SLC35F3: variants seen among roughly 807,000 people sequenced by gnomAD.
SLC35F3 encodes the protein putative thiamine transporter SLC35F3.
A neutral mutation model predicts 49.9 loss-of-function variants in SLC35F3; 25 were observed. The observed-to-expected ratio is 0.50, with a 90% CI of 0.37 to 0.70. SLC35F3 has a LOEUF of 0.70. SLC35F3 is among the 30% of genes least tolerant of loss of function. SLC35F3 has a pLI of 0.00. For synonymous variants in SLC35F3, 275 were observed against 265.4 expected, an observed-to-expected ratio of 1.04 and a Z score of -0.35; for missense variants, 525 against 639.8, an observed-to-expected ratio of 0.82 and a Z score of 1.94.
At chr1:234,174,990 A>AT (rs1245454654) in intron 2 of SLC35F3, among the ~76,000 whole-genome samples, 1 of 152,224 alleles carries the variant, frequency 6.6e-6, no homozygotes. Context: ...GCGTCTTGTC[A>AT]TCTGAGATAC....
intron 3 of SLC35F3, among the ~76,000 whole-genome samples, chr1:234,233,627 G>T (rs1218013532): frequency 3.9e-5 from 6 of 152,168 alleles, no homozygotes; most frequent in Non-Finnish European, 5.9e-5. Flanking sequence ...GGTCATTGAA[G>T]ATTAGTTATA....
chr1:234,070,259 G>T lies in SLC35F3; in HGVS notation c.284-161158G>T, dbSNP rs573257926. 2.0e-4 allele frequency among the ~76,000 whole-genome samples: 30 copies of T among 152,264 alleles called. 1 individual carries two copies. In the East Asian group the frequency reaches 5.0e-3, roughly 25 times the overall value. On this transcript the variant is annotated intron_variant, in intron 2 of 7. Transcript: ENST00000366618. ...CCTTCATACAGCAGGTTCCTGGAAG[G>T]CCTACCTGCTGGCTCTAGTGGGTGA...
chr1:233,946,302 G>A lies in SLC35F3; in HGVS notation c.283+40544G>A, dbSNP rs1432752192. Among the ~76,000 whole-genome samples, 3 of 152,258 alleles carry A rather than the reference G, an allele frequency of 2.0e-5. No homozygotes were observed. The East Asian group carries it at 5.8e-4, about 29-fold the overall frequency. On this transcript the variant is annotated intron_variant, in intron 2 of 7. Coordinates refer to ENST00000366618, the MANE Select transcript of SLC35F3 (RefSeq NM_173508.4). ...ATTCTTTTATCTCCCCACAAATTCA[G>A]GATACATGTTTCATCTGAATATCCA...
intron 2 of SLC35F3, among the ~76,000 whole-genome samples, chr1:233,929,034 A>T (rs1309095998): frequency 6.6e-6 from 1 of 152,232 alleles, no homozygotes; most frequent in Non-Finnish European, 1.5e-5. Context: ...CTGTTAATAT[A>T]GAATACATTT....
rs5781773 is a variant in SLC35F3 at position 233,996,542 on chromosome 1, T to TGGG, written c.283+90788_283+90790dup. Reference sequence around the variant, plus strand: ...ACATCCTCAGGGGAGGATGAGGACTTGGGGGGAATTTGTGGGTTCCCTGAC... The same window carrying TGGG: ...ACATCCTCAGGGGAGGATGAGGACTTGGGGGGGGGAATTTGTGGGTTCCCTGAC... On this transcript the variant is annotated intron_variant, in intron 2 of 7. Transcript: ENST00000366618. Among the ~76,000 whole-genome samples, 59 of 151,878 alleles carry TGGG rather than the reference T, an allele frequency of 3.9e-4. 1 individual carries two copies. The highest frequency in any genetic ancestry group is 2.9e-3 in the East Asian group (15 of 5,126).
rs1667480688 is a variant in SLC35F3 at position 234,236,925 on chromosome 1, T to TTATACATATATA, written c.608+5188_608+5189insCATATATATATA. ...AGACAGTCTCCTATTAAAAAAAAAA[T>TTATACATATATA]TATATATATATATATATATATATAT... On this transcript the variant is annotated intron_variant, in intron 3 of 7. Coordinates refer to ENST00000366618, the MANE Select transcript of SLC35F3 (RefSeq NM_173508.4). 2.1e-5 allele frequency among the ~76,000 whole-genome samples: 2 copies of TTATACATATATA among 96,294 alleles called. 1 individual carries two copies. The highest frequency in any genetic ancestry group is 8.1e-5 in the African/African-American group (2 of 24,644). The allele number at this position is 96,294 out of a possible 152,430, so 63.2% of individuals were successfully genotyped here.
chr1:233,925,733 G>A (rs1009564611), intron 2 of SLC35F3, among the ~76,000 whole-genome samples: 3 of 152,190 alleles, frequency 2.0e-5, no homozygotes, highest in African/African-American at 7.2e-5. Context: ...AGCATCGATG[G>A]TCTTTACAAT....
intron 2 of SLC35F3, among the ~76,000 whole-genome samples, chr1:233,924,214 G>A (rs1369331077): frequency 2.0e-5 from 3 of 152,212 alleles, no homozygotes; most frequent in African/African-American, 4.8e-5. Context: ...GTTTTAGAAG[G>A]AATGGTAACA....
chr1:233,949,926 C>T (rs971164425), intron 2 of SLC35F3, among the ~76,000 whole-genome samples: 7 of 152,206 alleles, frequency 4.6e-5, no homozygotes, highest in South Asian at 2.1e-4. Context: ...GCACAGCAAA[C>T]AGCTAAGATG....
intron 2 of SLC35F3, among the ~76,000 whole-genome samples, chr1:234,061,469 GTT>G (rs1206736791): frequency 6.6e-6 from 1 of 150,636 alleles, no homozygotes; most frequent in Non-Finnish European, 1.5e-5. Context: ...CGTTTGTTGA[GTT>G]TTCTGCATGT....
intron 3 of SLC35F3, among the ~76,000 whole-genome samples, chr1:234,283,116 A>G (rs75135095): frequency 0.059 from 8,968 of 152,226 alleles, 340 homozygotes; most frequent in African/African-American, 0.1. Context: ...CATGGGATTG[A>G]AGAAAATGTC....
intron 2 of SLC35F3, among the ~76,000 whole-genome samples, chr1:234,187,901 T>C (rs1365573567): frequency 6.6e-6 from 1 of 152,064 alleles, no homozygotes; most frequent in Non-Finnish European, 1.5e-5. Context: ...TAGCCAGAAC[T>C]CCGGGTAGGG....
chr1:234,201,333 A>G (rs1303703782), intron 2 of SLC35F3, among the ~76,000 whole-genome samples: 1 of 152,230 alleles, frequency 6.6e-6, no homozygotes, highest in African/African-American at 2.4e-5. Flanking sequence ...AGTTCATGCT[A>G]ACAAGTTAAG....
intron 3 of SLC35F3, among the ~76,000 whole-genome samples, chr1:234,244,676 G>T (rs1667604139): frequency 6.6e-6 from 1 of 151,468 alleles, no homozygotes; most frequent in African/African-American, 2.4e-5. Context: ...CAGAGGGGAA[G>T]TTCCATTATG....
intron 2 of SLC35F3, chr1:234,212,700 T>C (rs1466662794): frequency 1.3e-5 from 2 of 152,246 alleles, no homozygotes; most frequent in African/African-American, 2.4e-5. Context: ...GCAATTATTA[T>C]GTGATATTTG....
intron 2 of SLC35F3, among the ~76,000 whole-genome samples, chr1:233,929,898 A>T (rs1463981036): frequency 6.6e-6 from 1 of 152,164 alleles, no homozygotes; most frequent in African/African-American, 2.4e-5. Flanking sequence ...GCTCACTGGG[A>T]TCTTTGTGGA....
At chr1:234,322,359 A>C (rs1307826022) in intron 7 of SLC35F3, among the ~76,000 whole-genome samples, 1 of 152,226 alleles carries the variant, frequency 6.6e-6, no homozygotes, top group Non-Finnish European at 1.5e-5. Flanking sequence ...GTTGATTCAC[A>C]TATGTTGTAT....
At chr1:234,013,498 A>G (rs1034650264) in intron 2 of SLC35F3, among the ~76,000 whole-genome samples, 5 of 151,956 alleles carry the variant, frequency 3.3e-5, no homozygotes, top group Non-Finnish European at 5.9e-5. Flanking sequence ...CAAAGCAGAA[A>G]TAAATGAAAC....
intron 2 of SLC35F3, among the ~76,000 whole-genome samples, chr1:234,079,485 A>G (rs1161909278): frequency 6.6e-6 from 1 of 152,240 alleles, no homozygotes; most frequent in Admixed American, 6.5e-5. Context: ...GAAAGGCACA[A>G]CGATTTTGCA....
Sources: gnomAD v4.1 joint callset for allele counts (sites outside exome capture counted in the v4.1 genomes callset) on GRCh38, gnomAD v4.1.1 for gene constraint, MANE v1.5 for transcripts, NCBI Gene and HGNC (gene_info 2026-07-23, HGNC 2026-07-21) for gene names.